Variants in FARS2 observed in about 807,000 individuals in gnomAD.
FARS2 encodes the protein phenylalanyl-tRNA synthetase 2, mitochondrial, also known as phenylalanine--tRNA ligase, mitochondrial.
In FARS2, 40 loss-of-function variants were observed where a neutral mutation model predicts 46.4. The ratio of observed to expected loss-of-function variants is 0.86; its 90% confidence interval spans 0.67 to 1.12. The LOEUF is 1.12. Ranked by LOEUF, FARS2 falls within the 50% of genes most tolerant of loss-of-function variation. FARS2 has a pLI of 0.00. For synonymous variants in FARS2, 234 were observed against 214.9 expected (o/e 1.09, Z -0.78); for missense variants, 513 against 567.9 (o/e 0.90, Z 0.98).
chr6:5,277,138 T>C (rs2127843441), intron 1 of FARS2, among the ~76,000 whole-genome samples: 1 of 152,234 alleles, frequency 6.6e-6, no homozygotes, highest in Admixed American at 6.5e-5. Flanking sequence ...AAGGCACAGA[T>C]AGCGAGTGCA....
intron 1 of FARS2, among the ~76,000 whole-genome samples, chr6:5,268,210 T>G (rs528417975): frequency 6.6e-6 from 1 of 151,570 alleles, no homozygotes; most frequent in Non-Finnish European, 1.5e-5. Context: ...TTAGTTTAAT[T>G]AGATCCCATT....
At chr6:5,545,925 C>T (rs150579764) in intron 5 of FARS2, among the ~76,000 whole-genome samples, 3,520 of 152,136 alleles carry the variant, frequency 0.023, 86 homozygotes, top group Admixed American at 0.071. Flanking sequence ...GTCAAGAGTT[C>T]GAGACCAGCC....
At chr6:5,740,211 C>T (rs1437852238) in intron 6 of FARS2, among the ~76,000 whole-genome samples, 1 of 152,062 alleles carries the variant, frequency 6.6e-6, no homozygotes, top group African/African-American at 2.4e-5. Context: ...TCATGGGTCC[C>T]CTCCTAGAGT....
chr6:5,543,749 G>A (rs911869887), intron 4 of FARS2, among the ~76,000 whole-genome samples: 3 of 152,104 alleles, frequency 2.0e-5, no homozygotes, highest in Non-Finnish European at 2.9e-5. Context: ...AGTCCTGCCT[G>A]TATCTCCAGA....
chr6:5,677,635 G>T (rs1778831098), intron 6 of FARS2, among the ~76,000 whole-genome samples: 1 of 152,220 alleles, frequency 6.6e-6, no homozygotes, highest in South Asian at 2.1e-4. Flanking sequence ...GGACAGAGAG[G>T]AGTGGCTACC....
In FARS2 at chr6:5,610,271, G is replaced by A. The variant is rs1156613176; in HGVS notation, c.1066-2898G>A. The A allele has an allele frequency of 4.0e-5, 18 of 446,278 alleles. 1 individual carries two copies. The highest frequency in any genetic ancestry group is 1.7e-4 in the South Asian group (3 of 17,964). The allele number at this position is 446,278 out of a possible 1,614,324, so 27.6% of individuals were successfully genotyped here. A position where few individuals can be genotyped will look rare whatever the true frequency, so the allele number is the denominator to read the frequency against. On this transcript the variant is annotated intron_variant, in intron 5 of 6. Transcript: ENST00000274680. ...CACGAGCAGAAAGTAGCAAGCTGACGAATCGTATCTGTAGTTTTGATGCCC... is the reference window on the plus strand; with the variant it reads ...CACGAGCAGAAAGTAGCAAGCTGACAAATCGTATCTGTAGTTTTGATGCCC...
chr6:5,752,593 A>G (rs574970971), intron 6 of FARS2, among the ~76,000 whole-genome samples: 12 of 152,334 alleles, frequency 7.9e-5, no homozygotes, highest in African/African-American at 2.4e-4. Flanking sequence ...CCAGAGTGGA[A>G]CAGAACAGAC....
chr6:5,251,329 T>C, the FARS2 span, among the ~76,000 whole-genome samples: 1 of 151,730 alleles, frequency 6.6e-6, no homozygotes, highest in South Asian at 2.1e-4. Flanking sequence ...CATATTAGGG[T>C]GGTATTTGAA....
intron 6 of FARS2, among the ~76,000 whole-genome samples, chr6:5,757,557 G>C (rs962967896): frequency 6.6e-6 from 1 of 152,194 alleles, no homozygotes; most frequent in Non-Finnish European, 1.5e-5. Context: ...GTTTCATCAA[G>C]GGATCAGCCT....
chr6:5,419,685 C>G (rs951020421), intron 3 of FARS2, among the ~76,000 whole-genome samples: 3 of 152,112 alleles, frequency 2.0e-5, no homozygotes, highest in Non-Finnish European at 4.4e-5. Flanking sequence ...GATCCCTAAT[C>G]TTAAAGCTCC....
intron 4 of FARS2, among the ~76,000 whole-genome samples, chr6:5,537,562 C>CGGGCCTCCTCTCGAGTTGGAGATGTCCT (rs1770292090): frequency 4.3e-5 from 5 of 116,176 alleles, no homozygotes; most frequent in African/African-American, 1.5e-4. Flanking sequence ...GGAGATGTCC[C>CGGGCCTCCTCTCGAGTTGGAGATGTCCT]GGGCTTCCTC....
At chr6:5,745,686 C>T (rs561958076) in intron 6 of FARS2, among the ~76,000 whole-genome samples, 41 of 152,258 alleles carry the variant, frequency 2.7e-4, no homozygotes, top group African/African-American at 5.5e-4. Flanking sequence ...CTACAAGGCA[C>T]GCACCACCAT....
At chr6:5,342,277 G>A (rs1771710057) in intron 1 of FARS2, among the ~76,000 whole-genome samples, 1 of 152,174 alleles carries the variant, frequency 6.6e-6, no homozygotes, top group Non-Finnish European at 1.5e-5. Context: ...TTACAGTCAA[G>A]CACAATAATC....
At chr6:5,531,936 A>T (rs375124457) in intron 4 of FARS2, among the ~76,000 whole-genome samples, 1 of 152,218 alleles carries the variant, frequency 6.6e-6, no homozygotes, top group Admixed American at 6.5e-5. Flanking sequence ...CATTGTAACT[A>T]ACAATCAAGG....
At position 5,666,080 on chromosome 6, in the gene FARS2, G is replaced by A. The variant is rs188722045; in HGVS notation, c.1217+52760G>A. On this transcript the variant is annotated intron_variant, in intron 6 of 6. Transcript: ENST00000274680. Reference sequence around the variant, plus strand: ...AGATTCATAGCATAGCAGGTCTAGCGTACCGCACTTGAAAAGACTATGGTA... The same window carrying A: ...AGATTCATAGCATAGCAGGTCTAGCATACCGCACTTGAAAAGACTATGGTA... Among the ~76,000 whole-genome samples the A allele has an allele frequency of 7.8e-4, 119 of 152,260 alleles. 1 individual carries two copies. Among genetic ancestry groups the A allele is most frequent in the African/African-American group, 2.7e-3 (113 of 41,540 alleles).
rs140783288 is a variant in FARS2, at chr6:5,596,343, G to A, written c.1066-16826G>A. Among the ~76,000 whole-genome samples the A allele has an allele frequency of 2.3e-3, 350 of 152,252 alleles. 2 individuals carry two copies. Among genetic ancestry groups the A allele is most frequent in the African/African-American group, 8.0e-3 (331 of 41,548 alleles). ...AGTTGCTTCTGCACCCCCTTTCCCC[G>A]TCCACAAAATCTGGACAACACCATC... On this transcript the variant is annotated intron_variant, in intron 5 of 6. Coordinates refer to ENST00000274680, the MANE Select transcript of FARS2 (RefSeq NM_006567.5).
intron 4 of FARS2, among the ~76,000 whole-genome samples, chr6:5,432,363 AATATATTATATATTT>A (rs1380093738): frequency 1.2e-5 from 1 of 84,100 alleles, no homozygotes; most frequent in Non-Finnish European, 2.5e-5. Flanking sequence ...ATATATATAT[AATATATTATATATTT>A]ATATATTATA....
chr6:5,423,888 G>A (rs1333123594), intron 3 of FARS2, among the ~76,000 whole-genome samples: 2 of 152,152 alleles, frequency 1.3e-5, no homozygotes, highest in Non-Finnish European at 2.9e-5. Flanking sequence ...TTCATGCTGC[G>A]TGTGAGGTGG....
chr6:5,275,073 C>T (rs900878440), intron 1 of FARS2, among the ~76,000 whole-genome samples: 2 of 152,162 alleles, frequency 1.3e-5, no homozygotes, highest in African/African-American at 4.8e-5. Context: ...TGCCAAAAGT[C>T]TTTATTTGGA....
Sources: allele counts gnomAD v4.1 joint callset (sites outside exome capture counted in the v4.1 genomes callset), GRCh38; gene constraint gnomAD v4.1.1; transcripts MANE v1.5; gene names NCBI Gene and HGNC (gene_info 2026-07-23, HGNC 2026-07-21).